The following CHN1 variants were observed in gnomAD, a reference collection of about 807,000 sequenced individuals.
CHN1 encodes the protein N-chimaerin.
In CHN1, 37 loss-of-function variants were observed where a neutral mutation model predicts 59.5. The observed-to-expected ratio is 0.62, with a 90% CI of 0.48 to 0.82. CHN1 has a LOEUF of 0.82. Ranked by LOEUF, CHN1 falls within the 40% of genes least tolerant of loss-of-function variation. CHN1 has a pLI of 0.00. For synonymous variants in CHN1, 206 were observed against 200.4 expected, an observed-to-expected ratio of 1.03 and a Z score of -0.24; for missense variants, 469 against 571.0, an observed-to-expected ratio of 0.82 and a Z score of 1.82.
chr2:174,925,612 T>A (rs1689144491), intron 3 of CHN1, among the ~76,000 whole-genome samples: 1 of 152,210 alleles, frequency 6.6e-6, no homozygotes, highest in Non-Finnish European at 1.5e-5. Flanking sequence ...TTCATCTACA[T>A]AACAAGAACA....
chr2:174,912,054 A>C (rs1688718740), intron 5 of CHN1, among the ~76,000 whole-genome samples: 1 of 152,214 alleles, frequency 6.6e-6, no homozygotes, highest in African/African-American at 2.4e-5. Flanking sequence ...AAGTCCTCTT[A>C]ATCATTATCA....
intron 11 of CHN1, among the ~76,000 whole-genome samples, chr2:174,804,092 G>C (rs1558929817): frequency 6.6e-6 from 1 of 152,154 alleles, no homozygotes; most frequent in South Asian, 2.1e-4. Context: ...TGAGGCAAGT[G>C]CAATGGGAAA....
intron 7 of CHN1, 83 bp downstream of exon 7, chr2:174,846,797 T>C (rs1686531634): frequency 7.7e-7 from 1 of 1,293,470 alleles, no homozygotes; most frequent in African/African-American, 1.5e-5. Flanking sequence ...ATCCTAGTTT[T>C]AAAAAGACAT....
At chr2:174,900,766 T>C (rs917814038) in intron 5 of CHN1, among the ~76,000 whole-genome samples, 5 of 151,202 alleles carry the variant, frequency 3.3e-5, no homozygotes, top group Non-Finnish European at 4.4e-5. Flanking sequence ...GATTGCGCCA[T>C]TGCACCCCAG....
chr2:174,881,893 C>T (rs1336089841), intron 5 of CHN1, among the ~76,000 whole-genome samples: 4 of 152,128 alleles, frequency 2.6e-5, no homozygotes, highest in Non-Finnish European at 5.9e-5. Context: ...GGAATGAGGC[C>T]TCTGAATTCA....
At chr2:174,830,849 C>T (rs1685856758) in intron 7 of CHN1, among the ~76,000 whole-genome samples, 1 of 152,180 alleles carries the variant, frequency 6.6e-6, no homozygotes, top group Admixed American at 6.5e-5. Context: ...GCGCCACATA[C>T]TTAACCACAC....
chr2:175,003,829 C>G (rs1183182840), intron 1 of CHN1, among the ~76,000 whole-genome samples: 1 of 152,154 alleles, frequency 6.6e-6, no homozygotes, highest in African/African-American at 2.4e-5. Context: ...AACAACCTCT[C>G]TGGGTCTAAG....
chr2:174,958,038 C>T (rs1267578263), intron 1 of CHN1, among the ~76,000 whole-genome samples: 1 of 152,062 alleles, frequency 6.6e-6, no homozygotes, highest in African/African-American at 2.4e-5. Context: ...AGCGACATAA[C>T]TGTAATCCCA....
intron 9 of CHN1, 97 bp from the exon 10 acceptor site, chr2:174,811,685 T>C: frequency 1.5e-6 from 1 of 673,170 alleles, no homozygotes; most frequent in Non-Finnish European, 2.5e-6. Flanking sequence ...TCAGAAGAAA[T>C]AAAATATACA....
intron 7 of CHN1, among the ~76,000 whole-genome samples, chr2:174,827,030 A>C (rs1292536823): frequency 1.3e-5 from 2 of 152,144 alleles, no homozygotes; most frequent in African/African-American, 2.4e-5. Flanking sequence ...AGCAGCTTAC[A>C]AAACTATTTG....
chr2:174,891,746 G>A (rs1189347026), intron 5 of CHN1, among the ~76,000 whole-genome samples: 1 of 151,788 alleles, frequency 6.6e-6, no homozygotes, highest in African/African-American at 2.4e-5. Flanking sequence ...AAAACTCAAA[G>A]TTAGCAAAAG....
chr2:174,920,422 T>C (rs757033124), intron 3 of CHN1, among the ~76,000 whole-genome samples: 2 of 152,168 alleles, frequency 1.3e-5, no homozygotes, highest in Non-Finnish European at 2.9e-5. Context: ...CAAGGTTACT[T>C]GTTCAAGTGG....
chr2:174,939,924 T>G (rs145357491), intron 3 of CHN1, among the ~76,000 whole-genome samples: 1 of 152,326 alleles, frequency 6.6e-6, no homozygotes, highest in Non-Finnish European at 1.5e-5. Flanking sequence ...GTTAACTAAT[T>G]ATATACTTTC....
At chr2:174,903,574 A>G (rs921033309) in intron 5 of CHN1, among the ~76,000 whole-genome samples, 3 of 152,216 alleles carry the variant, frequency 2.0e-5, no homozygotes, top group Non-Finnish European at 4.4e-5. Flanking sequence ...TTATCATTCT[A>G]AACACTTTTA....
intron 5 of CHN1, among the ~76,000 whole-genome samples, chr2:174,890,333 G>A: frequency 6.6e-6 from 1 of 152,074 alleles, no homozygotes; most frequent in East Asian, 1.9e-4. Context: ...AGGCAAAGAA[G>A]GACATTACAT....
chr2:174,985,996 A>G (rs1426933810), intron 1 of CHN1, among the ~76,000 whole-genome samples: 1 of 152,202 alleles, frequency 6.6e-6, no homozygotes, highest in African/African-American at 2.4e-5. Context: ...CTGTTACTTT[A>G]ATTTAAATTA....
At chr2:174,878,786 C>T (rs1042969768) in intron 5 of CHN1, among the ~76,000 whole-genome samples, 2 of 152,212 alleles carry the variant, frequency 1.3e-5, no homozygotes, top group South Asian at 2.1e-4. Context: ...GAAATACATA[C>T]GGCACAAAAG....
At chr2:174,930,734 G>C (rs1162284536) in intron 3 of CHN1, among the ~76,000 whole-genome samples, 2 of 152,234 alleles carry the variant, frequency 1.3e-5, no homozygotes, top group East Asian at 1.9e-4. Context: ...CGGATGCCTA[G>C]GTAACAAACA....
chr2:174,947,628 C>G, intron 2 of CHN1, among the ~76,000 whole-genome samples: 1 of 151,686 alleles, frequency 6.6e-6, no homozygotes, highest in Non-Finnish European at 1.5e-5. Flanking sequence ...GGACTACAGG[C>G]ACACACCACC....
Sources: allele counts gnomAD v4.1 joint callset (sites outside exome capture counted in the v4.1 genomes callset), GRCh38; gene constraint gnomAD v4.1.1; transcripts MANE v1.5; gene names NCBI Gene and HGNC (gene_info 2026-07-23, HGNC 2026-07-21).